Variants in KLHL14 observed in about 807,000 individuals in gnomAD.
KLHL14 encodes kelch like family member 14, also known as kelch-like protein 14.
Under a neutral mutation model 64.3 loss-of-function variants are expected in KLHL14, and 22 were observed. The observed-to-expected ratio is 0.34, with a 90% CI of 0.24 to 0.49. The LOEUF (loss-of-function observed/expected upper bound fraction) is 0.49, where lower values mean the gene tolerates loss of function less well. Among genes scored for constraint, KLHL14 ranks in the 20% least tolerant of loss-of-function variants. The probability of loss-of-function intolerance (pLI) is 0.99; values close to 1 mark genes in which losing one functional copy is unlikely to be tolerated. For synonymous variants in KLHL14, 322 were observed against 333.4 expected, an observed-to-expected ratio of 0.97 and a Z score of 0.37; for missense variants, 661 against 789.0, an observed-to-expected ratio of 0.84 and a Z score of 1.94.
intron 1 of KLHL14, chr18:32,771,015 G>C (rs114037252): frequency 2.6e-6 from 1 of 384,396 alleles, no homozygotes; most frequent in South Asian, 1.8e-5. Flanking sequence ...TCGTGGGCTC[G>C]TGTCCATGCC....
At chr18:32,734,001 T>C in intron 3 of KLHL14, 1 of 600,370 alleles carries the variant, frequency 1.7e-6, no homozygotes, top group East Asian at 2.8e-5. Context: ...AGCTTGATGT[T>C]GGGATGACTA....
At chr18:32,751,998 G>T (rs1158130234) in intron 2 of KLHL14, among the ~76,000 whole-genome samples, 14 of 152,110 alleles carry the variant, frequency 9.2e-5, no homozygotes, top group Admixed American at 9.2e-4. Context: ...GTTGTGGCGT[G>T]TGCCTGTAAT....
At position 32,726,490 on chromosome 18, in the gene KLHL14, C is replaced by T. The variant is rs529975832; in HGVS notation, c.1069+15438G>A. On this transcript the variant is annotated intron_variant, in intron 3 of 8. Coordinates refer to ENST00000359358, the MANE Select transcript of KLHL14 (RefSeq NM_020805.3). ...AATACAAAAATTAGCCAGGCGTGGT[C>T]GTGGGCGCCTGTAATCCCAGCTACT... Among the ~76,000 whole-genome samples, 155 of 151,836 alleles carry T rather than the reference C, an allele frequency of 1.0e-3. 2 individuals are homozygous for T. In the South Asian group the frequency reaches 0.031, roughly 30 times the overall value.
rs767138966 is a variant in KLHL14 at position 32,770,356 on chromosome 18, C to A, written c.236G>T (p.Gly79Val). ...GGGVGGQDGL[G>V]APKDQQQPPQ... ...CGGCTGCTGCTGGTCCTTGGGGGCC[C>A]CCAGGCCGTCCTGGCCGCCGACCCC... is the stretch of plus-strand genomic sequence containing the variant. Residue 79 changes from glycine (G) to valine (V), a missense_variant, in exon 2 of 9, where the codon GGG becomes GTG. Transcript: ENST00000359358. The surrounding 1 kb of genome is among the most constrained non-coding windows in gnomAD (Gnocchi z 6.7). 15 of 1,584,832 alleles carry A rather than the reference C, an allele frequency of 9.5e-6. No individual in the cohort carries two copies. In the East Asian group the frequency reaches 3.4e-4, roughly 36 times the overall value.
chr18:32,674,955 T>G (rs1191864206), intron 8 of KLHL14, among the ~76,000 whole-genome samples, 158 bp from the exon 9 acceptor site: 1 of 152,208 alleles, frequency 6.6e-6, no homozygotes, highest in African/African-American at 2.4e-5. Flanking sequence ...AACTGTTCTA[T>G]TCCAAAGAAA....
At chr18:32,675,205 A>C (rs965456045) in intron 8 of KLHL14, among the ~76,000 whole-genome samples, 3 of 152,106 alleles carry the variant, frequency 2.0e-5, no homozygotes, top group Non-Finnish European at 4.4e-5. Flanking sequence ...ACACTAAAAA[A>C]GATAAAAACA....
chr18:32,726,797 A>T (rs1439664616), intron 3 of KLHL14, among the ~76,000 whole-genome samples: 1 of 152,162 alleles, frequency 6.6e-6, no homozygotes, highest in East Asian at 1.9e-4. Flanking sequence ...AAGACCTCAG[A>T]TGGGGCTGCC....
intron 3 of KLHL14, among the ~76,000 whole-genome samples, chr18:32,701,216 G>T (rs559582891): frequency 6.6e-6 from 1 of 152,258 alleles, no homozygotes; most frequent in South Asian, 2.1e-4. Context: ...ACACCTTTCT[G>T]GTTGCTGATA....
chr18:32,738,523 C>T (rs1281132527), intron 3 of KLHL14: 2 of 152,144 alleles, frequency 1.3e-5, no homozygotes, highest in Admixed American at 1.3e-4. Context: ...TTACTTAACA[C>T]TTCACATTTA....
intron 5 of KLHL14, among the ~76,000 whole-genome samples, chr18:32,681,116 C>T (rs2049836661): frequency 6.6e-6 from 1 of 152,080 alleles, no homozygotes; most frequent in Non-Finnish European, 1.5e-5. Flanking sequence ...AATAGAATAA[C>T]TTTTGTGAAC....
At chr18:32,694,611 T>C (rs2049928101) in intron 4 of KLHL14, among the ~76,000 whole-genome samples, 1 of 152,196 alleles carries the variant, frequency 6.6e-6, no homozygotes, top group African/African-American at 2.4e-5. Flanking sequence ...GATGTAACAA[T>C]TTTCTATAAT....
At chr18:32,682,431 A>G (rs2049845133) in intron 5 of KLHL14, among the ~76,000 whole-genome samples, 1 of 152,210 alleles carries the variant, frequency 6.6e-6, no homozygotes, top group Non-Finnish European at 1.5e-5. Context: ...TTCATAAAGT[A>G]AAGACTTAAC....
chr18:32,684,706 C>T (rs576027771), intron 5 of KLHL14, among the ~76,000 whole-genome samples: 2 of 151,460 alleles, frequency 1.3e-5, no homozygotes, highest in East Asian at 3.9e-4. Flanking sequence ...GGGGAACTTC[C>T]GGTTTCATTC....
At position 32,769,739 on chromosome 18, in the gene KLHL14, G is replaced by T. The variant is rs759180348; in HGVS notation, c.853C>A (p.Arg285=). 4 of 1,600,502 alleles carry T rather than the reference G, an allele frequency of 2.5e-6. No individual in the cohort carries two copies. In the South Asian group the frequency reaches 3.4e-5, roughly 13 times the overall value. ...AGCTTCTGGCAGACCGGGTCGGTTC[G>T]CATGAAATCCACTGACTGGACCCGC... ...VERVQSVDFM[R]TDPVCQKLLL... The change falls in exon 2 of 9, where the codon CGA becomes AGA. Residue 285 remains arginine (R), a synonymous_variant. Coordinates refer to ENST00000359358, the MANE Select transcript of KLHL14 (RefSeq NM_020805.3).
At chr18:32,771,896 C>T (rs943047908) in intron 1 of KLHL14, among the ~76,000 whole-genome samples, 1 of 151,876 alleles carries the variant, frequency 6.6e-6, no homozygotes, top group Non-Finnish European at 1.5e-5. Flanking sequence ...TCGGTAGAGC[C>T]CCCAGCGGCC....
chr18:32,748,929 C>T (rs975498161), intron 2 of KLHL14, among the ~76,000 whole-genome samples: 7 of 152,186 alleles, frequency 4.6e-5, no homozygotes, highest in African/African-American at 1.7e-4. Flanking sequence ...TGCTAATTAT[C>T]ATTACCACCA....
chr18:32,727,254 A>T (rs1249829576), intron 3 of KLHL14, among the ~76,000 whole-genome samples: 2 of 152,196 alleles, frequency 1.3e-5, no homozygotes, highest in Non-Finnish European at 1.5e-5. Flanking sequence ...AAGAAAGGTT[A>T]CTCTGCCTAG....
intron 3 of KLHL14, among the ~76,000 whole-genome samples, chr18:32,739,956 G>T (rs1217825655): frequency 1.3e-5 from 2 of 152,082 alleles, no homozygotes; most frequent in Non-Finnish European, 2.9e-5. Flanking sequence ...GCAACTTTTT[G>T]AGTGCATTCT....
intron 5 of KLHL14, among the ~76,000 whole-genome samples, chr18:32,685,087 A>G (rs2049869997): frequency 6.6e-6 from 1 of 152,126 alleles, no homozygotes; most frequent in Non-Finnish European, 1.5e-5. Context: ...GATATACCAT[A>G]ATGACTTAGA....
Sources: allele counts gnomAD v4.1 joint callset (sites outside exome capture counted in the v4.1 genomes callset), GRCh38; gene constraint gnomAD v4.1.1; non-coding constraint Gnocchi (gnomAD v3.1); transcripts MANE v1.5; gene names NCBI Gene and HGNC (gene_info 2026-07-23, HGNC 2026-07-21).